ARHGAP45: variants seen among roughly 807,000 people sequenced by gnomAD.
ARHGAP45 encodes Rho GTPase activating protein 45.
A neutral mutation model predicts 116.1 loss-of-function variants in ARHGAP45; 56 were observed. That is an observed-to-expected ratio of 0.48 (90% confidence interval 0.39 to 0.60). ARHGAP45 has a LOEUF of 0.60. ARHGAP45 is among the 20% of genes least tolerant of loss of function. The probability of loss-of-function intolerance (pLI) is 0.00; values close to 1 mark genes in which losing one functional copy is unlikely to be tolerated. For synonymous variants in ARHGAP45, 866 were observed against 701.7 expected (o/e 1.23, Z -3.70); for missense variants, 1,622 against 1,601.0 (o/e 1.01, Z -0.22).
intron 10 of ARHGAP45, among the ~76,000 whole-genome samples, chr19:1,076,013 G>A (rs1231343190): frequency 4.6e-5 from 7 of 152,290 alleles, no homozygotes; most frequent in Non-Finnish European, 1.0e-4. Flanking sequence ...CAGTCAGCAT[G>A]AAGCAGCCTG....
chr19:1,078,379 G>A (rs925860410), intron 11 of ARHGAP45, among the ~76,000 whole-genome samples: 12 of 151,746 alleles, frequency 7.9e-5, no homozygotes, highest in African/African-American at 1.5e-4. Flanking sequence ...TCCTGACCTC[G>A]TGATCCGTCC....
intron 22 of ARHGAP45, 103 bp from the exon 23 acceptor site, chr19:1,085,546 TCCATCTCTCTC>T (rs1568489732): frequency 3.1e-3 from 2,329 of 740,778 alleles, no homozygotes; most frequent in Non-Finnish European, 4.4e-3. Flanking sequence ...CTCCTGTCTC[TCCATCTCTCTC>T]CCCCCTCTCC....
rs1568471203 is a variant in ARHGAP45, at chr19:1,079,703, G to A, written c.1375G>A (p.Ala459Thr). 1 of 1,612,420 alleles carries A rather than the reference G, an allele frequency of 6.2e-7. No homozygotes were observed. The highest frequency in any genetic ancestry group is 1.7e-5 in the Admixed American group (1 of 59,986). The change falls in exon 12 of 23, where the codon GCG becomes ACG. Residue 459 changes from alanine (A) to threonine (T), a missense_variant and splice_region_variant. Coordinates refer to ENST00000313093, the MANE Select transcript of ARHGAP45 (RefSeq NM_012292.5). ...RRLEEEAKNK[A>T]EEAMATYRTC... ...TCTGTGCGCCCCGCCCCCACCGCAG[G>A]CGGAGGAAGCTATGGCCACCTACCG...
intron 22 of ARHGAP45, among the ~76,000 whole-genome samples, chr19:1,084,968 G>C (rs184511984): frequency 6.1e-4 from 93 of 152,268 alleles, no homozygotes; most frequent in African/African-American, 2.1e-3. Context: ...TGTAATCCCA[G>C]CTACTCAGGA....
chr19:1,077,455 C>A, intron 10 of ARHGAP45: 1 of 1,018,026 alleles, frequency 9.8e-7, no homozygotes, highest in African/African-American at 1.7e-5. Flanking sequence ...TGGCTCACTG[C>A]AACCTTCGCC....
upstream of ARHGAP45, chr19:1,066,416 T>G: frequency 1.9e-6 from 1 of 538,026 alleles, no homozygotes; most frequent in Non-Finnish European, 3.4e-6. Flanking sequence ...TGGTCCAGAG[T>G]CACTGGAATG....
At position 1,073,574 on chromosome 19, in the gene ARHGAP45, G is replaced by A; in HGVS notation, c.634G>A (p.Val212Met). ...CGAGAAGGCCCTGGAGACGATTGCTGTGGCCTTCAGTAGCACGTGAGCACG... is the reference window on the plus strand; with the variant it reads ...CGAGAAGGCCCTGGAGACGATTGCTATGGCCTTCAGTAGCACGTGAGCACG... ...EFEKALETIA[V>M]AFSSTVSEFL... The change falls in exon 4 of 23, where the codon GTG becomes ATG. Residue 212 changes from valine to methionine, a missense_variant. Around this residue, in one of 3 missense-constraint regions of ARHGAP45, gnomAD observed 279 missense variants for 311.9 expected, o/e 0.89. Transcript: ENST00000313093. The A allele has an allele frequency of 6.2e-7, 1 of 1,613,912 alleles. No individual in the cohort carries two copies. Among genetic ancestry groups the A allele is most frequent in the East Asian group, 2.2e-5 (1 of 44,888 alleles).
At position 1,082,846 on chromosome 19, in the gene ARHGAP45, G is replaced by A. The variant is rs1349864888; in HGVS notation, c.2524G>A (p.Glu842Lys). 3.3e-6 allele frequency: 5 copies of A among 1,507,260 alleles called. 1 individual carries two copies. In the South Asian group the frequency reaches 4.0e-5, roughly 12 times the overall value. The allele number at this position is 1,507,260 out of a possible 1,614,324, so 93.4% of individuals were successfully genotyped here. The change falls in exon 20 of 23, where the codon GAG (glutamate) becomes AAG (lysine). Residue 842 changes from glutamate to lysine, a missense_variant. By Grantham distance (56) the Glu-to-Lys change is moderately conservative (BLOSUM62 1). This residue lies in a region of ARHGAP45 where 1,334 missense variants were observed against 1,263.8 expected (regional missense o/e 1.06). Transcript: ENST00000313093. ...VLKLYLRQLPEPLISFRLYHE... is the reference protein window; with the variant it reads ...VLKLYLRQLPKPLISFRLYHE... ...GACCCTTGACTCTGCGCAGCTTCCC[G>A]AGCCGCTCATCTCCTTCCGCCTCTA...
At position 1,069,265 on chromosome 19, in the gene ARHGAP45, C is replaced by T. The variant is rs951034448; in HGVS notation, c.421+521C>T. ...GGGGCAGGATGGGGTCATCAGGCGG[C>T]GGAGGTGCTGGGACCCAGCGGCCTG... On this transcript the variant is annotated intron_variant, in intron 2 of 22. Coordinates refer to ENST00000313093, the MANE Select transcript of ARHGAP45 (RefSeq NM_012292.5). This position sits in a 1 kb window ranked among gnomAD's most constrained non-coding sequence, Gnocchi z 4.1. Among the ~76,000 whole-genome samples the T allele has an allele frequency of 1.3e-5, 2 of 152,134 alleles. No homozygotes were observed. The highest frequency in any genetic ancestry group is 1.9e-4 in the East Asian group (1 of 5,174).
chr19:1,070,108 G>T (rs1406840083), intron 2 of ARHGAP45, among the ~76,000 whole-genome samples: 1 of 151,632 alleles, frequency 6.6e-6, no homozygotes, highest in East Asian at 1.9e-4. Context: ...TGATTCTTCT[G>T]CCTCAGGCTC....
At chr19:1,085,548 CA>C (rs2043595079) in intron 22 of ARHGAP45, 111 bp from the exon 23 acceptor site, 5 of 756,796 alleles carry the variant, frequency 6.6e-6, no homozygotes, top group South Asian at 3.8e-5. Flanking sequence ...CCTGTCTCTC[CA>C]TCTCTCTCCC....
At chr19:1,084,795 A>C (rs1012188467) in intron 22 of ARHGAP45, among the ~76,000 whole-genome samples, 45 of 152,140 alleles carry the variant, frequency 3.0e-4, no homozygotes, top group Non-Finnish European at 2.9e-5. Flanking sequence ...CTGATAAATA[A>C]ATACCTGAGG....
chr19:1,082,552 A>C, intron 19 of ARHGAP45: 2 of 458,920 alleles, frequency 4.4e-6, no homozygotes, highest in Non-Finnish European at 3.9e-6. Context: ...GTGGTTGGGA[A>C]GGGGTCAGAC....
intron 16 of ARHGAP45, 36 bp downstream of exon 16, chr19:1,080,822 G>A (rs773683876): frequency 1.8e-5 from 29 of 1,610,788 alleles, no homozygotes; most frequent in African/African-American, 9.3e-5. Flanking sequence ...GAGAGAGGGG[G>A]GTTTGGACAC....
chr19:1,080,910 C>T lies in ARHGAP45; in HGVS notation c.2036C>T (p.Thr679Ile), dbSNP rs1416682690. 10 of 1,608,426 alleles carry T rather than the reference C, an allele frequency of 6.2e-6. No individual in the cohort carries two copies. Among genetic ancestry groups the T allele is most frequent in the East Asian group, 2.2e-5 (1 of 44,748 alleles). The change falls in exon 17 of 23, where the codon ACC becomes ATC. Residue 679 changes from threonine to isoleucine, a missense_variant. By Grantham distance (89) the Thr-to-Ile change is moderately conservative. Around this residue, in one of 3 missense-constraint regions of ARHGAP45, gnomAD observed 1,334 missense variants for 1,263.8 expected, o/e 1.06. Coordinates refer to ENST00000313093, the MANE Select transcript of ARHGAP45 (RefSeq NM_012292.5). ...AFEQADLNGMTPELPVAVPSG... is the reference protein window; with the variant it reads ...AFEQADLNGMIPELPVAVPSG... The stretch of plus-strand genomic sequence containing the variant: ...CCCGCAGCTGACCTCAACGGCATGA[C>T]CCCCGAGCTGCCGGTGGCCGTGCCC...
In ARHGAP45 at chr19:1,068,325, C is replaced by G. The variant is rs1375723404; in HGVS notation, c.91-89C>G. The G allele has an allele frequency of 1.6e-6, 2 of 1,238,680 alleles. No homozygotes were observed. The highest frequency in any genetic ancestry group is 3.1e-5 in the South Asian group (2 of 64,448). The allele number at this position is 1,238,680 out of a possible 1,614,324, so 76.7% of individuals were successfully genotyped here. On this transcript the variant is annotated intron_variant, in intron 1 of 22. Coordinates refer to ENST00000313093, the MANE Select transcript of ARHGAP45 (RefSeq NM_012292.5). This position sits in a 1 kb window ranked among gnomAD's most constrained non-coding sequence, Gnocchi z 7.5. The stretch of plus-strand genomic sequence containing the variant: ...CTGTGGGGTCAGGGTGATGGTGGCC[C>G]TCCACAGCCCCACTTCATTTCTGGG...
At position 1,073,937 on chromosome 19, in the gene ARHGAP45, C is replaced by T. The variant is rs377597152; in HGVS notation, c.724-11C>T. On this transcript the variant is annotated splice_polypyrimidine_tract_variant and intron_variant, in intron 5 of 22. Transcript: ENST00000313093. The stretch of plus-strand genomic sequence containing the variant: ...CATGGGGCTGGTCTCACCTGCGTCT[C>T]CGTCCTACAGTCCATGGAAAGCCTG... 4 of 1,555,744 alleles carry T rather than the reference C, an allele frequency of 2.6e-6. No homozygotes were observed. In the Admixed American group the frequency reaches 5.7e-5, roughly 22 times the overall value.
intron 3 of ARHGAP45, 86 bp from the exon 4 acceptor site, chr19:1,073,420 C>G: frequency 1.3e-6 from 2 of 1,565,184 alleles, no homozygotes; most frequent in Non-Finnish European, 1.7e-6. Context: ...CCTGTTCCCC[C>G]TGGGTTAAGG....
chr19:1,077,832 G>C, intron 10 of ARHGAP45, 25 bp from the exon 11 acceptor site: 1 of 1,551,182 alleles, frequency 6.4e-7, no homozygotes, highest in Admixed American at 2.0e-5. Context: ...GGTTGGAACT[G>C]GCCTCCTGGC....
Sources: allele counts gnomAD v4.1 joint callset (sites outside exome capture counted in the v4.1 genomes callset), GRCh38; gene constraint gnomAD v4.1.1; regional missense constraint gnomAD v4.1.1; non-coding constraint Gnocchi (gnomAD v3.1); transcripts MANE v1.5; gene names NCBI Gene and HGNC (gene_info 2026-07-23, HGNC 2026-07-21).